The following CCBE1 variants were observed in gnomAD, a reference collection of about 807,000 sequenced individuals.
CCBE1 encodes collagen and calcium-binding EGF domain-containing protein 1.
Under a neutral mutation model 50.0 loss-of-function variants are expected in CCBE1, and 37 were observed. The observed-to-expected ratio is 0.74, with a 90% CI of 0.57 to 0.97. The LOEUF is 0.97. Ranked by LOEUF, CCBE1 falls within the 50% of genes least tolerant of loss-of-function variation. The probability of loss-of-function intolerance (pLI) is 0.00; values close to 1 mark genes in which losing one functional copy is unlikely to be tolerated. For missense variants in CCBE1, 538 were observed against 523.8 expected, an observed-to-expected ratio of 1.03 and a Z score of -0.26; for synonymous variants, 234 against 203.7, an observed-to-expected ratio of 1.15 and a Z score of -1.27.
intron 2 of CCBE1, among the ~76,000 whole-genome samples, chr18:59,537,481 GA>G (rs1371482285): frequency 6.6e-6 from 1 of 152,136 alleles, no homozygotes; most frequent in Non-Finnish European, 1.5e-5. Flanking sequence ...TTTATAAGAG[GA>G]AAACCCTTTC....
intron 2 of CCBE1, among the ~76,000 whole-genome samples, chr18:59,599,068 T>C (rs958415969): frequency 6.6e-6 from 1 of 152,182 alleles, no homozygotes; most frequent in Admixed American, 6.5e-5. Context: ...CCTTCTTCGT[T>C]AATCAACCCA....
chr18:59,495,858 C>A (rs890354963), intron 2 of CCBE1, among the ~76,000 whole-genome samples: 9 of 152,150 alleles, frequency 5.9e-5, no homozygotes, highest in African/African-American at 1.7e-4. Flanking sequence ...TCTGGACAAA[C>A]CTACACAAGT....
chr18:59,696,939 G>C (rs1228804121), intron 1 of CCBE1, among the ~76,000 whole-genome samples: 1 of 152,220 alleles, frequency 6.6e-6, no homozygotes, highest in Admixed American at 6.5e-5. Context: ...CGGGGTTCAC[G>C]AGCTGTGCCA....
chr18:59,507,557 T>C (rs1913932411), intron 2 of CCBE1, among the ~76,000 whole-genome samples: 1 of 152,216 alleles, frequency 6.6e-6, no homozygotes. Flanking sequence ...TCTGACTCTG[T>C]ACTTGTCCAA....
At chr18:59,636,915 G>A (rs1165173889) in intron 2 of CCBE1, among the ~76,000 whole-genome samples, 1 of 152,206 alleles carries the variant, frequency 6.6e-6, no homozygotes, top group Non-Finnish European at 1.5e-5. Context: ...TGATTACCTT[G>A]ATAGTGTCTT....
chr18:59,637,047 G>A (rs752919109), intron 2 of CCBE1, among the ~76,000 whole-genome samples: 4 of 152,134 alleles, frequency 2.6e-5, no homozygotes, highest in African/African-American at 4.8e-5. Context: ...GCAAATGCTG[G>A]AACTGTAATT....
At chr18:59,619,138 A>G (rs1452770752) in intron 2 of CCBE1, among the ~76,000 whole-genome samples, 1 of 152,250 alleles carries the variant, frequency 6.6e-6, no homozygotes, top group African/African-American at 2.4e-5. Context: ...AAATGATTCA[A>G]TCATATTAAA....
intron 2 of CCBE1, among the ~76,000 whole-genome samples, chr18:59,647,847 T>A (rs1295337719): frequency 6.6e-6 from 1 of 152,226 alleles, no homozygotes; most frequent in African/African-American, 2.4e-5. Flanking sequence ...AGTAAAAATT[T>A]ATTTTAAAAA....
chr18:59,696,541 G>C (rs2054805911), intron 2 of CCBE1, 88 bp downstream of exon 2: 2 of 1,596,822 alleles, frequency 1.3e-6, no homozygotes, highest in African/African-American at 1.3e-5. Flanking sequence ...GGTCCCAAGC[G>C]CGTCTCCAAA....
intron 2 of CCBE1, among the ~76,000 whole-genome samples, chr18:59,546,554 A>C (rs1915691146): frequency 6.6e-6 from 1 of 152,272 alleles, no homozygotes; most frequent in African/African-American, 2.4e-5. Context: ...GAGCTGAACA[A>C]CCATTTGAAC....
chr18:59,673,925 A>G (rs1253945053), intron 2 of CCBE1, among the ~76,000 whole-genome samples: 2 of 152,128 alleles, frequency 1.3e-5, no homozygotes, highest in Non-Finnish European at 2.9e-5. Flanking sequence ...TGTCTCTGCC[A>G]GGTTTTGGTA....
At chr18:59,496,052 CT>C (rs1240813626) in intron 2 of CCBE1, among the ~76,000 whole-genome samples, 1 of 152,182 alleles carries the variant, frequency 6.6e-6, no homozygotes. Flanking sequence ...ATATTGAGTC[CT>C]ATGGAGTTTG....
Position 59,691,061 on chromosome 18 carries a change from C to G in CCBE1, c.212+5568G>C, listed in dbSNP as rs139863924. ...ATCTCTGGTTTTTAGAAGAGTCTTC[C>G]TAGCTCAGATTTTAAATAAAGCACA... On this transcript the variant is annotated intron_variant, in intron 2 of 10. Transcript: ENST00000439986. Among the ~76,000 whole-genome samples the G allele has an allele frequency of 2.7e-3, 413 of 152,370 alleles. 6 individuals carry two copies. The highest frequency in any genetic ancestry group is 0.024 in the Admixed American group (365 of 15,312).
intron 2 of CCBE1, among the ~76,000 whole-genome samples, chr18:59,658,140 T>C (rs553811154): frequency 6.7e-6 from 1 of 150,360 alleles, no homozygotes; most frequent in East Asian, 2.0e-4. Context: ...ACTTGATTCA[T>C]ATGGCTACTG....
chr18:59,688,617 T>C (rs1321446613), intron 2 of CCBE1, among the ~76,000 whole-genome samples: 1 of 152,178 alleles, frequency 6.6e-6, no homozygotes, highest in African/African-American at 2.4e-5. Context: ...TGGAAAGCCA[T>C]AGAAAGGCAG....
At chr18:59,575,985 T>G (rs1340751102) in intron 2 of CCBE1, among the ~76,000 whole-genome samples, 2 of 152,260 alleles carry the variant, frequency 1.3e-5, no homozygotes, top group African/African-American at 4.8e-5. Context: ...AAACATTGAT[T>G]GCTTTTCTCT....
chr18:59,607,496 A>C (rs1294677249), intron 2 of CCBE1, among the ~76,000 whole-genome samples: 2 of 152,248 alleles, frequency 1.3e-5, no homozygotes, highest in African/African-American at 4.8e-5. Flanking sequence ...ACTGACTGTA[A>C]AGATAAAATT....
intron 2 of CCBE1, among the ~76,000 whole-genome samples, chr18:59,596,671 T>C (rs987446704): frequency 5.9e-5 from 9 of 152,218 alleles, no homozygotes; most frequent in Admixed American, 2.0e-4. Context: ...TATCCACGTC[T>C]CTCGTTTTAC....
chr18:59,534,897 T>C (rs927552111), intron 2 of CCBE1, among the ~76,000 whole-genome samples: 1 of 152,214 alleles, frequency 6.6e-6, no homozygotes, highest in African/African-American at 2.4e-5. Context: ...TAATAAGTAA[T>C]GGTGCCAAGG....
Sources: gnomAD v4.1 joint callset for allele counts (sites outside exome capture counted in the v4.1 genomes callset) on GRCh38, gnomAD v4.1.1 for gene constraint, MANE v1.5 for transcripts, NCBI Gene and HGNC (gene_info 2026-07-23, HGNC 2026-07-21) for gene names.